The following CD207 variants were observed in gnomAD, a reference collection of about 807,000 sequenced individuals.
CD207 encodes CD207 molecule.
CD207 carries 28 observed loss-of-function variants against 31.6 expected under a neutral mutation model. The ratio of observed to expected loss-of-function variants is 0.89; its 90% confidence interval spans 0.66 to 1.21. The LOEUF (loss-of-function observed/expected upper bound fraction) is 1.21, where lower values mean the gene tolerates loss of function less well. Ranked by LOEUF, CD207 falls within the 50% of genes most tolerant of loss-of-function variation. The probability of loss-of-function intolerance (pLI) is 0.00; values close to 1 mark genes in which losing one functional copy is unlikely to be tolerated. For synonymous variants in CD207, 168 were observed against 153.9 expected, an observed-to-expected ratio of 1.09 and a Z score of -0.68; for missense variants, 388 against 397.8, an observed-to-expected ratio of 0.98 and a Z score of 0.21.
intron 3 of CD207, 86 bp from the exon 4 acceptor site, chr2:70,833,137 G>A: frequency 3.1e-6 from 4 of 1,309,160 alleles, no homozygotes; most frequent in Non-Finnish European, 3.3e-6. Flanking sequence ...TGAGGTCTCA[G>A]AGACAGCAGC....
chr2:70,830,915 A>G lies in CD207; in HGVS notation c.*135T>C. ...TCCAGCCAAGACAGACGGACTCCAG[A>G]ATGCCACTGTGGGACAATTTTGAAG... On this transcript the variant is annotated 3_prime_UTR_variant, in exon 6 of 6. Transcript: ENST00000410009. The G allele has an allele frequency of 1.3e-6, 1 of 767,082 alleles. No homozygotes were observed. Among genetic ancestry groups the G allele is most frequent in the Non-Finnish European group, 2.0e-6 (1 of 490,102 alleles). The allele number at this position is 767,082 out of a possible 1,614,324, so 47.5% of individuals were successfully genotyped here.
At chr2:70,834,180 G>A (rs536561002) in intron 2 of CD207, among the ~76,000 whole-genome samples, 160 bp from the exon 3 acceptor site, 7 of 152,220 alleles carry the variant, frequency 4.6e-5, no homozygotes, top group East Asian at 1.9e-4. Flanking sequence ...ATTCATTAAC[G>A]TACAACAAAC....
intron 5 of CD207, 40 bp downstream of exon 5, chr2:70,831,661 G>C (rs781929037): frequency 8.0e-7 from 1 of 1,245,574 alleles, no homozygotes; most frequent in Non-Finnish European, 1.2e-6. Context: ...GGCCATGGCC[G>C]GGGAAAGTCA....
intron 4 of CD207, 93 bp downstream of exon 4, chr2:70,832,807 G>T: frequency 8.2e-7 from 1 of 1,222,820 alleles, no homozygotes; most frequent in Non-Finnish European, 1.1e-6. Flanking sequence ...ATCAATATTT[G>T]GGGATTTTTG....
rs782166444 is a variant in CD207, at chr2:70,831,682, G to C, written c.836+19C>G. On this transcript the variant is annotated intron_variant, in intron 5 of 5. Coordinates refer to ENST00000410009, the MANE Select transcript of CD207 (RefSeq NM_015717.5). ...GGCCGGGGAAAGTCAGGCTGGCACG[G>C]AGGGCTCCAGGGGCTTACCTCACAC... is the stretch of plus-strand genomic sequence containing the variant. 6.7e-7 allele frequency: 1 copy of C among 1,489,620 alleles called. No individual in the cohort carries two copies. Among genetic ancestry groups the C allele is most frequent in the Non-Finnish European group, 9.4e-7 (1 of 1,067,046 alleles). The allele number at this position is 1,489,620 out of a possible 1,614,324, so 92.3% of individuals were successfully genotyped here.
downstream of CD207, among the ~76,000 whole-genome samples, chr2:70,827,802 T>C (rs930496954): frequency 6.6e-6 from 1 of 151,988 alleles, no homozygotes; most frequent in African/African-American, 2.4e-5. Context: ...ATTCAATAGA[T>C]AGATAGATCA....
chr2:70,833,522 A>G, intron 3 of CD207, 124 bp downstream of exon 3: 1 of 1,142,996 alleles, frequency 8.7e-7, no homozygotes, highest in Non-Finnish European at 1.2e-6. Context: ...TTCCTAGCCC[A>G]TGGCTGCCCC....
chr2:70,831,106 A>C lies in CD207; in HGVS notation c.931T>G (p.Cys311Gly), dbSNP rs989754238. ...PSLQAWNDAP[C>G]DKTFLFICKR... is the part of the protein sequence containing the mutation. ...CAAATGAAAAGAAACGTTTTGTCAC[A>C]TGGGGCATCATTCCAGGCCTGAAGT... Residue 311 changes from cysteine to glycine, a missense_variant, in exon 6 of 6, where the codon TGT (cysteine) becomes GGT (glycine). Coordinates refer to ENST00000410009, the MANE Select transcript of CD207 (RefSeq NM_015717.5). 1 of 1,613,776 alleles carries C rather than the reference A, an allele frequency of 6.2e-7. No homozygotes were observed. The highest frequency in any genetic ancestry group is 1.3e-5 in the African/African-American group (1 of 74,902).
rs545749043 is a variant in CD207, at chr2:70,830,878, C to T, written c.*172G>A. On this transcript the variant is annotated 3_prime_UTR_variant, in exon 6 of 6. Transcript: ENST00000410009. ...CTTTCCATTCCAGCTGCCTCCAAGA[C>T]GTCAGAGAATTTCCAGCCAAGACAG... The T allele has an allele frequency of 3.6e-5, 21 of 582,348 alleles. No individual in the cohort carries two copies. Among genetic ancestry groups the T allele is most frequent in the South Asian group, 2.2e-4 (9 of 40,178 alleles). 36.1% of individuals were successfully genotyped at this position (582,348 alleles called of 1,614,324 possible).
rs202094824 is a variant in CD207 at position 70,835,707 on chromosome 2, G to A, written c.70C>T (p.Arg24Ter). 1,351 of 1,613,208 alleles carry A rather than the reference G, an allele frequency of 8.4e-4. 8 individuals are homozygous for A. In the East Asian group the frequency reaches 0.017, roughly 20 times the overall value. The change falls in exon 1 of 6, where the codon CGA becomes TGA. Residue 24 changes from arginine to a stop codon, truncating the protein, a stop_gained. Coordinates refer to ENST00000410009, the MANE Select transcript of CD207 (RefSeq NM_015717.5). LOFTEE classifies it high-confidence loss of function. ...TCTCAGCAGCGATGTGGCTTGCCTC[G>A]GGGCCAGAGGGAGATGTTCTGTTTG... Reference protein sequence around the residue: ...VDKQNISLWPREPPPKSGPSL... With the variant: ...VDKQNISLWP
intron 4 of CD207, among the ~76,000 whole-genome samples, chr2:70,832,411 G>C (rs1677498404): frequency 6.6e-6 from 1 of 152,200 alleles, no homozygotes; most frequent in African/African-American, 2.4e-5. Context: ...GCCTCACCAG[G>C]CAGGAGACTT....
rs781939546 is a variant in CD207, at chr2:70,835,512, C to A, written c.169G>T (p.Val57Phe). The change falls in exon 2 of 6, where the codon GTC becomes TTC. Residue 57 changes from valine to phenylalanine, a missense_variant. Physicochemically the swap from Val to Phe is conservative, Grantham distance 50. Coordinates refer to ENST00000410009, the MANE Select transcript of CD207 (RefSeq NM_015717.5). ...TTACAAAGGACGGCCTGCAGCAGGA[C>A]GGAGGCGACCAGGACCAGCGTCAGG... ...ICLTLVLVAS[V>F]LLQAVLYPRF... 5.6e-6 allele frequency: 9 copies of A among 1,613,354 alleles called. No homozygotes were observed. Among genetic ancestry groups the A allele is most frequent in the Non-Finnish European group, 7.6e-6 (9 of 1,179,608 alleles).
chr2:70,827,543 C>A (rs1677374312), downstream of CD207, among the ~76,000 whole-genome samples: 1 of 152,200 alleles, frequency 6.6e-6, no homozygotes, highest in Admixed American at 6.5e-5. Flanking sequence ...CCAGCCCCAA[C>A]CAGGGCAACA....
At chr2:70,835,342 G>A (rs1677585190) in intron 2 of CD207, 149 bp downstream of exon 2, 2 of 676,662 alleles carry the variant, frequency 3.0e-6, no homozygotes, top group South Asian at 1.6e-5. Flanking sequence ...AGCACAGCCT[G>A]TTACTGCACA....
chr2:70,833,846 T>C lies in CD207; in HGVS notation c.365A>G (p.Gln122Arg), dbSNP rs782657873. 2.0e-5 allele frequency: 32 copies of C among 1,614,006 alleles called. No homozygotes were observed. In the Admixed American group the frequency reaches 5.2e-4, roughly 26 times the overall value. Residue 122 changes from glutamine to arginine, a missense_variant, in exon 3 of 6, where the codon CAG (glutamine) becomes CGG (arginine). By Grantham distance (43) the Gln-to-Arg change is conservative. Coordinates refer to ENST00000410009, the MANE Select transcript of CD207 (RefSeq NM_015717.5). ...VNESLGYVRS[Q>R]FLKLKTSVEK... is the part of the protein sequence containing the mutation. ...CACACTGGTTTTTAACTTCAGGAAC[T>C]GAGAACGCACATAACCCAGGCTCTC...
chr2:70,829,099 C>T (rs138499612), downstream of CD207, among the ~76,000 whole-genome samples: 507 of 152,332 alleles, frequency 3.3e-3, 7 homozygotes, highest in Non-Finnish European at 1.7e-3. Flanking sequence ...CAGCCTCATC[C>T]TCTTGCTATT....
At chr2:70,832,793 G>A (rs930320017) in intron 4 of CD207, 107 bp downstream of exon 4, 1 of 1,104,882 alleles carries the variant, frequency 9.1e-7, no homozygotes, top group Non-Finnish European at 1.3e-6. Flanking sequence ...TTCTTCATTA[G>A]GTCATCAATA....
downstream of CD207, among the ~76,000 whole-genome samples, chr2:70,827,310 C>A (rs1553399016): frequency 6.6e-6 from 1 of 151,932 alleles, no homozygotes; most frequent in African/African-American, 2.4e-5. Flanking sequence ...TTTTCTCCCC[C>A]AAAAACAGAG....
At chr2:70,833,199 C>T in intron 3 of CD207, 148 bp from the exon 4 acceptor site, 2 of 686,200 alleles carry the variant, frequency 2.9e-6, no homozygotes, top group South Asian at 1.9e-5. Context: ...AGATTAGGGA[C>T]ACTCTTTCAA....
Sources: allele counts gnomAD v4.1 joint callset (sites outside exome capture counted in the v4.1 genomes callset), GRCh38; gene constraint gnomAD v4.1.1; transcripts MANE v1.5; gene names NCBI Gene and HGNC (gene_info 2026-07-23, HGNC 2026-07-21).